The following SAMD5 variants were observed in gnomAD, a reference collection of about 807,000 sequenced individuals.
SAMD5 encodes sterile alpha motif domain containing 5.
A neutral mutation model predicts 11.3 loss-of-function variants in SAMD5; 13 were observed. The observed-to-expected ratio is 1.15, with a 90% CI of 0.75 to 1.83. The LOEUF is 1.83. Ranked by LOEUF, SAMD5 falls within the 40% of genes most tolerant of loss-of-function variation. The pLI is 0.00. For synonymous variants in SAMD5, 129 were observed against 111.3 expected, an observed-to-expected ratio of 1.16 and a Z score of -1.00; for missense variants, 255 against 239.1, an observed-to-expected ratio of 1.07 and a Z score of -0.44.
chr6:147,731,378 A>G (rs1791710314), intron 1 of SAMD5, among the ~76,000 whole-genome samples: 1 of 152,180 alleles, frequency 6.6e-6, no homozygotes, highest in South Asian at 2.1e-4. Flanking sequence ...AGGTTAATAT[A>G]TATAGAAATG....
chr6:147,599,240 T>C (rs1789580821), intron 1 of SAMD5, among the ~76,000 whole-genome samples: 1 of 152,196 alleles, frequency 6.6e-6, no homozygotes, highest in African/African-American at 2.4e-5. Flanking sequence ...TATAGGTTTC[T>C]TGAAAGAAGC....
At chr6:147,691,560 T>C (rs1223135046) in intron 1 of SAMD5, among the ~76,000 whole-genome samples, 1 of 152,234 alleles carries the variant, frequency 6.6e-6, no homozygotes, top group Non-Finnish European at 1.5e-5. Context: ...TCTGGTTTAA[T>C]GTAGCAGCTT....
chr6:147,783,429 T>C, the SAMD5 span, among the ~76,000 whole-genome samples: 1 of 151,972 alleles, frequency 6.6e-6, no homozygotes, highest in African/African-American at 2.4e-5. Context: ...AGTCTCACTC[T>C]GTGGCCCAGG....
the SAMD5 span, among the ~76,000 whole-genome samples, chr6:147,811,122 GCATATAGTAAGTACTTAACTAATGT>G: frequency 6.6e-6 from 1 of 152,186 alleles, no homozygotes; most frequent in South Asian, 2.1e-4. Flanking sequence ...ACAATGTTCG[GCATATAGTAAGTACTTAACTAATGT>G]CATAGAGTAG....
At chr6:147,632,675 C>A (rs1385370840) in intron 1 of SAMD5, among the ~76,000 whole-genome samples, 1 of 152,144 alleles carries the variant, frequency 6.6e-6, no homozygotes. Context: ...AGAATTTCGA[C>A]CACACAGTAT....
At chr6:147,732,377 A>G (rs1211327847) in intron 1 of SAMD5, among the ~76,000 whole-genome samples, 2 of 152,230 alleles carry the variant, frequency 1.3e-5, no homozygotes, top group South Asian at 4.1e-4. Context: ...TAGGTTTGCT[A>G]ATAATTCTCT....
At chr6:147,563,889 G>A (rs1039104556) in intron 1 of SAMD5, among the ~76,000 whole-genome samples, 1 of 152,192 alleles carries the variant, frequency 6.6e-6, no homozygotes, top group Non-Finnish European at 1.5e-5. Flanking sequence ...GATTAAATAT[G>A]ACTGTGAATC....
At chr6:147,899,025 A>T in the SAMD5 span, among the ~76,000 whole-genome samples, 1 of 151,670 alleles carries the variant, frequency 6.6e-6, no homozygotes, top group African/African-American at 2.4e-5. Flanking sequence ...CTAAAAATAC[A>T]AAAAAATTAG....
the SAMD5 span, among the ~76,000 whole-genome samples, chr6:147,807,931 ACAT>A: frequency 1.3e-5 from 2 of 152,212 alleles, no homozygotes; most frequent in African/African-American, 4.8e-5. Flanking sequence ...TAATCGTAAT[ACAT>A]TTTTATCATA....
chr6:147,761,862 A>G, the SAMD5 span, among the ~76,000 whole-genome samples: 31 of 152,058 alleles, frequency 2.0e-4, no homozygotes, highest in Admixed American at 5.9e-4. Context: ...ACAGGCACTC[A>G]CCACCATGCC....
intron 1 of SAMD5, among the ~76,000 whole-genome samples, chr6:147,726,265 T>A (rs1791625110): frequency 6.6e-6 from 1 of 152,258 alleles, no homozygotes; most frequent in Non-Finnish European, 1.5e-5. Flanking sequence ...TTTCTTGCCT[T>A]GGTAAATATC....
chr6:147,868,633 T>C, the SAMD5 span, among the ~76,000 whole-genome samples: 13 of 152,170 alleles, frequency 8.5e-5, no homozygotes, highest in African/African-American at 3.1e-4. Flanking sequence ...TGAAACCAAA[T>C]TACATATCCA....
chr6:147,877,206 C>T, the SAMD5 span, among the ~76,000 whole-genome samples: 1 of 151,962 alleles, frequency 6.6e-6, no homozygotes, highest in Admixed American at 6.5e-5. Context: ...TAAATATTAA[C>T]TAAATATTAA....
chr6:147,909,357 A>C, the SAMD5 span, among the ~76,000 whole-genome samples: 965 of 152,326 alleles, frequency 6.3e-3, 13 homozygotes, highest in African/African-American at 0.022. Flanking sequence ...CTGAAAATGA[A>C]AACCCATTGT....
chr6:147,715,944 G>C (rs149625510), intron 1 of SAMD5, among the ~76,000 whole-genome samples: 1 of 152,150 alleles, frequency 6.6e-6, no homozygotes, highest in Non-Finnish European at 1.5e-5. Flanking sequence ...CGTGCTGATT[G>C]GTCCATGGGT....
intron 1 of SAMD5, among the ~76,000 whole-genome samples, chr6:147,736,988 A>G (rs1791812324): frequency 6.6e-6 from 1 of 152,170 alleles, no homozygotes; most frequent in Non-Finnish European, 1.5e-5. Context: ...TAGTAGTGTT[A>G]TTAAAAAACA....
At chr6:147,631,548 C>T (rs578145622) in intron 1 of SAMD5, among the ~76,000 whole-genome samples, 4 of 152,190 alleles carry the variant, frequency 2.6e-5, no homozygotes, top group Admixed American at 6.5e-5. Flanking sequence ...GGTGATTTGA[C>T]TAGTAAAGGC....
intron 1 of SAMD5, among the ~76,000 whole-genome samples, chr6:147,727,941 A>G (rs1791652878): frequency 6.6e-6 from 1 of 152,184 alleles, no homozygotes; most frequent in Non-Finnish European, 1.5e-5. Flanking sequence ...AGAATCTAGC[A>G]TTTCTCTTAC....
intron 1 of SAMD5, among the ~76,000 whole-genome samples, chr6:147,606,978 A>AAAAAAAAAAAAAAC (rs397708065): frequency 9.4e-5 from 14 of 148,244 alleles, no homozygotes; most frequent in Middle Eastern, 3.5e-3. Flanking sequence ...AAAAAAAAAA[A>AAAAAAAAAAAAAAC]CAGAAAGAGA....
Sources: gnomAD v4.1 joint callset for allele counts (sites outside exome capture counted in the v4.1 genomes callset) on GRCh38, gnomAD v4.1.1 for gene constraint, MANE v1.5 for transcripts, NCBI Gene and HGNC (gene_info 2026-07-23, HGNC 2026-07-21) for gene names.